NRG1: variants seen among roughly 807,000 people sequenced by gnomAD.
NRG1 encodes the protein neuregulin 1.
In NRG1, 18 loss-of-function variants were observed where a neutral mutation model predicts 63.8. That is an observed-to-expected ratio of 0.28 (90% confidence interval 0.19 to 0.42). The LOEUF is 0.42. Among genes scored for constraint, NRG1 ranks in the 10% least tolerant of loss-of-function variants. The pLI, the probability that NRG1 is intolerant of heterozygous loss-of-function variation, is 1.00. For synonymous variants in NRG1, 302 were observed against 301.3 expected (o/e 1.00, Z -0.02); for missense variants, 762 against 814.7 (o/e 0.94, Z 0.79).
At chr8:31,935,656 A>G (rs983596122) in intron 1 of NRG1, among the ~76,000 whole-genome samples, 1 of 152,024 alleles carries the variant, frequency 6.6e-6, no homozygotes, top group Non-Finnish European at 1.5e-5. Context: ...CAGGAGTGGA[A>G]CCTCCATTTG....
chr8:32,384,883 G>A lies in NRG1; in HGVS notation c.38-210945G>A, dbSNP rs149544105. On this transcript the variant is annotated intron_variant, in intron 1 of 10. Transcript: ENST00000519301. ...TTTTATAAAACTGTCAGTTACAGTA[G>A]ATAACAATAGCAATTCTATTCTCCT... Among the ~76,000 whole-genome samples, 473 of 152,302 alleles carry A rather than the reference G, an allele frequency of 3.1e-3. 4 individuals carry two copies. The highest frequency in any genetic ancestry group is 0.011 in the African/African-American group (449 of 41,568).
intron 1 of NRG1, among the ~76,000 whole-genome samples, chr8:31,648,833 A>G (rs936878148): frequency 1.3e-5 from 2 of 152,192 alleles, no homozygotes; most frequent in African/African-American, 2.4e-5. Flanking sequence ...GTTTACTTTC[A>G]CATTTTGGCT....
At chr8:32,674,994 A>G (rs1806679321) in intron 5 of NRG1, among the ~76,000 whole-genome samples, 1 of 152,182 alleles carries the variant, frequency 6.6e-6, no homozygotes, top group South Asian at 2.1e-4. Flanking sequence ...ATGGGATACC[A>G]CTGCAAAAAA....
At chr8:32,299,538 G>GA (rs2129475004) in intron 1 of NRG1, among the ~76,000 whole-genome samples, 1 of 151,874 alleles carries the variant, frequency 6.6e-6, no homozygotes, top group South Asian at 2.1e-4. Context: ...TGTGAAGAAG[G>GA]AAAAAAAATA....
chr8:31,860,883 T>C (rs1438195864), intron 1 of NRG1, among the ~76,000 whole-genome samples: 4 of 152,214 alleles, frequency 2.6e-5, no homozygotes, highest in Non-Finnish European at 5.9e-5. Context: ...TTCCGTTACT[T>C]AGCCCTTAAC....
At chr8:32,579,101 A>G (rs984991057) in intron 1 of NRG1, among the ~76,000 whole-genome samples, 1 of 151,630 alleles carries the variant, frequency 6.6e-6, no homozygotes, top group African/African-American at 2.4e-5. Flanking sequence ...TAACTGTCAG[A>G]TTTAAGCACA....
At chr8:32,360,568 A>C (rs188830186) in intron 1 of NRG1, among the ~76,000 whole-genome samples, 1 of 152,174 alleles carries the variant, frequency 6.6e-6, no homozygotes, top group African/African-American at 2.4e-5. Flanking sequence ...TAAACATTTT[A>C]TAATTGTGGA....
At chr8:32,616,016 G>A (rs1273269730) in intron 4 of NRG1, among the ~76,000 whole-genome samples, 1 of 151,948 alleles carries the variant, frequency 6.6e-6, no homozygotes, top group Non-Finnish European at 1.5e-5. Flanking sequence ...AACTTATCTT[G>A]GGAAATTGAC....
chr8:32,669,474 G>T (rs567187834), intron 5 of NRG1, among the ~76,000 whole-genome samples: 1 of 152,104 alleles, frequency 6.6e-6, no homozygotes, highest in African/African-American at 2.4e-5. Flanking sequence ...CAAGAGTGCC[G>T]AAAGCTACAT....
chr8:32,264,243 A>C (rs1305411929), intron 1 of NRG1, among the ~76,000 whole-genome samples: 1 of 152,194 alleles, frequency 6.6e-6, no homozygotes, highest in Non-Finnish European at 1.5e-5. Flanking sequence ...TTATTTTCTT[A>C]ATTTTTAATT....
Position 32,759,437 on chromosome 8 carries a change from G to T in NRG1, c.1052+1G>T, listed in dbSNP as rs762017901. ...CTGTCACCCAGACTCCTAGCCACAG[G>T]TATGAGAATTTAAAAATTCCACGGC... On this transcript the variant is annotated splice_donor_variant, in intron 10 of 11. Coordinates refer to ENST00000356819, the Ensembl canonical transcript of NRG1. LOFTEE classifies it high-confidence loss of function. 1 of 1,610,382 alleles carries T rather than the reference G, an allele frequency of 6.2e-7. No homozygotes were observed. The highest frequency in any genetic ancestry group is 8.5e-7 in the Non-Finnish European group (1 of 1,178,546).
chr8:32,506,487 T>C (rs1391557082), intron 1 of NRG1, among the ~76,000 whole-genome samples: 1 of 152,080 alleles, frequency 6.6e-6, no homozygotes, highest in Non-Finnish European at 1.5e-5. Context: ...TTCCTCCTTA[T>C]GACAAACAAC....
chr8:31,900,728 C>G (rs541308069), intron 1 of NRG1, among the ~76,000 whole-genome samples: 6 of 152,310 alleles, frequency 3.9e-5, no homozygotes, highest in African/African-American at 1.4e-4. Context: ...CCACTCCACC[C>G]CCTTTTCCCC....
intron 1 of NRG1, among the ~76,000 whole-genome samples, chr8:31,670,948 C>G (rs750055666): frequency 1.3e-5 from 2 of 152,148 alleles, no homozygotes; most frequent in African/African-American, 2.4e-5. Flanking sequence ...TCAGTTCTCA[C>G]CCTTCTCTCG....
chr8:32,759,527 G>A, intron 10 of NRG1, 91 bp downstream of exon 10: 2 of 1,456,744 alleles, frequency 1.4e-6, no homozygotes, highest in Non-Finnish European at 1.9e-6. Context: ...AGGAGGCAGT[G>A]AAATGGATGG....
chr8:32,673,594 A>T (rs998676186), intron 5 of NRG1, among the ~76,000 whole-genome samples: 1 of 152,160 alleles, frequency 6.6e-6, no homozygotes, highest in African/African-American at 2.4e-5. Context: ...AAAATGGATT[A>T]AAAAAACACA....
intron 1 of NRG1, among the ~76,000 whole-genome samples, chr8:31,891,643 A>G (rs947280602): frequency 6.6e-6 from 1 of 152,144 alleles, no homozygotes; most frequent in African/African-American, 2.4e-5. Flanking sequence ...GGCTTTTCTC[A>G]TAGAGAAGTG....
chr8:31,810,789 G>A (rs1331137852), intron 1 of NRG1, among the ~76,000 whole-genome samples: 1 of 152,168 alleles, frequency 6.6e-6, no homozygotes, highest in East Asian at 1.9e-4. Context: ...CATGACCAGG[G>A]TATGGGACTG....
intron 1 of NRG1, among the ~76,000 whole-genome samples, chr8:32,245,616 A>T (rs999638896): frequency 2.6e-5 from 4 of 152,174 alleles, no homozygotes; most frequent in Non-Finnish European, 4.4e-5. Context: ...GAAACAAAAC[A>T]TTTCTCTCTA....
Sources: gnomAD v4.1 joint callset for allele counts (sites outside exome capture counted in the v4.1 genomes callset) on GRCh38, gnomAD v4.1.1 for gene constraint, MANE v1.5 for transcripts, NCBI Gene and HGNC (gene_info 2026-07-23, HGNC 2026-07-21) for gene names.